Variants in MTHFD1L observed in about 807,000 individuals in gnomAD.
MTHFD1L encodes the protein monofunctional C1-tetrahydrofolate synthase, mitochondrial.
MTHFD1L carries 81 observed loss-of-function variants against 119.5 expected under a neutral mutation model. The ratio of observed to expected loss-of-function variants is 0.68; its 90% confidence interval spans 0.57 to 0.82. The LOEUF is 0.82. MTHFD1L is among the 40% of genes least tolerant of loss of function. The pLI, the probability that MTHFD1L is intolerant of heterozygous loss-of-function variation, is 0.00. For synonymous variants in MTHFD1L, 430 were observed against 475.2 expected (o/e 0.90, Z 1.24); for missense variants, 1,125 against 1,253.4 (o/e 0.90, Z 1.55).
At chr6:150,925,048 G>A (rs774279912) in intron 10 of MTHFD1L, among the ~76,000 whole-genome samples, 1 of 152,104 alleles carries the variant, frequency 6.6e-6, no homozygotes, top group Non-Finnish European at 1.5e-5. Flanking sequence ...CAGGATCCTG[G>A]AGGAGAGTCT....
intron 4 of MTHFD1L, among the ~76,000 whole-genome samples, chr6:150,879,302 T>A (rs924031787): frequency 6.6e-6 from 1 of 151,944 alleles, no homozygotes; most frequent in Non-Finnish European, 1.5e-5. Flanking sequence ...TTTTCTTTCT[T>A]TTTTTTTGAG....
rs966809830 is a variant in MTHFD1L at position 151,023,532 on chromosome 6, A to G, written c.2586+7839A>G. ...TGTTAGACAGTTTCGAGGGATCTGC[A>G]CCTGTCATGAGCACTGGCCCAACCT... On this transcript the variant is annotated intron_variant, in intron 24 of 27. Transcript: ENST00000367321. 4.9e-4 allele frequency among the ~76,000 whole-genome samples: 75 copies of G among 152,036 alleles called. 1 individual carries two copies. The highest frequency in any genetic ancestry group is 4.9e-3 in the Admixed American group (75 of 15,258).
chr6:151,064,401 C>T (rs1261953184), intron 26 of MTHFD1L, among the ~76,000 whole-genome samples: 3 of 151,984 alleles, frequency 2.0e-5, no homozygotes, highest in Non-Finnish European at 4.4e-5. Context: ...CAACCTCCGC[C>T]CCCCCGGATT....
Position 150,943,372 on chromosome 6 carries a change from T to A in MTHFD1L, c.1441-1114T>A, listed in dbSNP as rs115464922. On this transcript the variant is annotated intron_variant, in intron 13 of 27. Coordinates refer to ENST00000367321, the MANE Select transcript of MTHFD1L (RefSeq NM_015440.5). The stretch of plus-strand genomic sequence containing the variant: ...AGGGCTGGGCGTGGTGGCTCATGCC[T>A]GGAATCCTAGCACTTTGCGGGGCTG... Among the ~76,000 whole-genome samples, 1,017 of 152,264 alleles carry A rather than the reference T, an allele frequency of 6.7e-3. 8 individuals are homozygous for A. Among genetic ancestry groups the A allele is most frequent in the African/African-American group, 0.023 (968 of 41,546 alleles).
At chr6:151,099,264 T>C (rs1207847832) in intron 27 of MTHFD1L, among the ~76,000 whole-genome samples, 1 of 151,418 alleles carries the variant, frequency 6.6e-6, no homozygotes, top group South Asian at 2.1e-4. Flanking sequence ...AATCAGCTGG[T>C]CTTCCACCAC....
chr6:150,931,284 TTTTTTTTC>T (rs75210804), intron 11 of MTHFD1L, among the ~76,000 whole-genome samples: 1 of 151,420 alleles, frequency 6.6e-6, no homozygotes. Context: ...TTTTTTTTTT[TTTTTTTTC>T]TGCAGAGGGC....
intron 24 of MTHFD1L, among the ~76,000 whole-genome samples, chr6:151,032,500 C>T (rs1036412618): frequency 6.6e-6 from 1 of 152,122 alleles, no homozygotes; most frequent in African/African-American, 2.4e-5. Context: ...CACCTCCCAC[C>T]TGGCCCCACC....
intron 26 of MTHFD1L, among the ~76,000 whole-genome samples, chr6:151,059,797 G>A (rs193250020): frequency 3.9e-5 from 6 of 152,292 alleles, no homozygotes; most frequent in Admixed American, 6.5e-5. Flanking sequence ...GCTCAGTTAC[G>A]GGATGGTAAG....
chr6:151,068,499 AG>A (rs1791573289), intron 26 of MTHFD1L, among the ~76,000 whole-genome samples: 1 of 152,112 alleles, frequency 6.6e-6, no homozygotes, highest in Non-Finnish European at 1.5e-5. Context: ...GCTTGAACCG[AG>A]GGTTCAATTA....
At chr6:150,891,386 CAT>C (rs60950948) in intron 7 of MTHFD1L, among the ~76,000 whole-genome samples, 22,160 of 148,804 alleles carry the variant, frequency 0.15, 1,949 homozygotes, top group Admixed American at 0.28. Context: ...AGCAACACAA[CAT>C]ATATATATAT....
intron 26 of MTHFD1L, among the ~76,000 whole-genome samples, chr6:151,083,421 T>A (rs1472335081): frequency 1.3e-5 from 2 of 152,136 alleles, no homozygotes; most frequent in Non-Finnish European, 2.9e-5. Context: ...TGGTCTCGAT[T>A]TCTTGACCTC....
intron 16 of MTHFD1L, among the ~76,000 whole-genome samples, chr6:150,953,284 A>G (rs1343116456): frequency 1.3e-5 from 2 of 152,194 alleles, no homozygotes; most frequent in Non-Finnish European, 2.9e-5. Context: ...GTTCCTTAGG[A>G]CATAGTCAGC....
intron 1 of MTHFD1L, among the ~76,000 whole-genome samples, chr6:150,866,883 T>C (rs1409365770): frequency 6.6e-6 from 1 of 152,140 alleles, no homozygotes; most frequent in African/African-American, 2.4e-5. Context: ...GGCGAGCCCT[T>C]CGGGACAACT....
At chr6:150,919,909 G>T (rs1269644522) in intron 9 of MTHFD1L, among the ~76,000 whole-genome samples, 2 of 152,188 alleles carry the variant, frequency 1.3e-5, no homozygotes, top group Admixed American at 1.3e-4. Context: ...TTGAAGTGAA[G>T]ATGTCAGCTG....
At chr6:150,866,745 A>C in intron 1 of MTHFD1L, 1 of 1,027,256 alleles carries the variant, frequency 9.7e-7, no homozygotes, top group African/African-American at 1.7e-5. Flanking sequence ...CTGGGTTTGC[A>C]GGGTTTTCTG....
rs940954045 is a variant in MTHFD1L, at chr6:150,893,367, C to A, written c.780+5386C>A. Among the ~76,000 whole-genome samples the A allele has an allele frequency of 2.8e-4, 43 of 152,230 alleles. 1 individual carries two copies. The highest frequency in any genetic ancestry group is 1.0e-3 in the African/African-American group (43 of 41,536). ...GGCCTGAGTCACTGTGCCTGGCCCA[C>A]ATGGGGATTTTTGTTGCCCAGCTTA... On this transcript the variant is annotated intron_variant, in intron 7 of 27. Transcript: ENST00000367321.
intron 25 of MTHFD1L, 90 bp from the exon 26 acceptor site, chr6:151,036,875 A>G (rs12525380): frequency 1.4e-6 from 2 of 1,407,528 alleles, no homozygotes; most frequent in African/African-American, 2.8e-5. Context: ...CCGGCATACC[A>G]TTGCTGCCGA....
intron 1 of MTHFD1L, among the ~76,000 whole-genome samples, chr6:150,871,397 C>T (rs1004408356): frequency 1.4e-5 from 2 of 148,062 alleles, no homozygotes; most frequent in East Asian, 4.0e-4. Flanking sequence ...AAAATGGTAA[C>T]ATTTTACCCA....
chr6:151,088,615 C>G (rs1470242351), intron 26 of MTHFD1L, among the ~76,000 whole-genome samples: 1 of 146,572 alleles, frequency 6.8e-6, no homozygotes, highest in South Asian at 2.2e-4. Context: ...CATTACCACA[C>G]CCAGCTAATT....
Sources: gnomAD v4.1 joint callset for allele counts (sites outside exome capture counted in the v4.1 genomes callset) on GRCh38, gnomAD v4.1.1 for gene constraint, MANE v1.5 for transcripts, NCBI Gene and HGNC (gene_info 2026-07-23, HGNC 2026-07-21) for gene names.